CADM2: variants seen among roughly 807,000 people sequenced by gnomAD.
CADM2 encodes the protein immunoglobulin superfamily member 4D.
In CADM2, 12 loss-of-function variants were observed where a neutral mutation model predicts 49.8. The ratio of observed to expected loss-of-function variants is 0.24; its 90% confidence interval spans 0.15 to 0.39. The LOEUF (loss-of-function observed/expected upper bound fraction) is 0.39, where lower values mean the gene tolerates loss of function less well. Among genes scored for constraint, CADM2 ranks in the 10% least tolerant of loss-of-function variants. CADM2 has a pLI of 1.00. For missense variants in CADM2, 378 were observed against 492.3 expected (o/e 0.77, Z 2.20); for synonymous variants, 214 against 175.4 (o/e 1.22, Z -1.74).
At chr3:86,013,764 A>C in intron 8 of CADM2, 1 of 1,590,762 alleles carries the variant, frequency 6.3e-7, no homozygotes, top group Non-Finnish European at 8.6e-7. Context: ...TTTGGCTGTG[A>C]AATTTCACAC....
At chr3:85,449,123 G>T (rs768623420) in intron 1 of CADM2, among the ~76,000 whole-genome samples, 7 of 148,626 alleles carry the variant, frequency 4.7e-5, no homozygotes, top group Admixed American at 6.8e-5. Flanking sequence ...TATTCTCCTG[G>T]AATATTTGTA....
intron 1 of CADM2, among the ~76,000 whole-genome samples, chr3:85,203,774 A>G (rs965009256): frequency 6.6e-6 from 1 of 152,216 alleles, no homozygotes; most frequent in Admixed American, 6.5e-5. Flanking sequence ...GCTAAGTAAA[A>G]TAGGCTCTAT....
chr3:85,640,375 C>T (rs1239773740), intron 1 of CADM2, among the ~76,000 whole-genome samples: 1 of 151,846 alleles, frequency 6.6e-6, no homozygotes, highest in African/African-American at 2.4e-5. Context: ...TAATTAGACT[C>T]AAAATTTAAA....
chr3:85,825,508 A>G (rs2073857429), intron 3 of CADM2, among the ~76,000 whole-genome samples: 1 of 152,034 alleles, frequency 6.6e-6, no homozygotes, highest in Admixed American at 6.6e-5. Flanking sequence ...AAGCCAGAGG[A>G]CAGGGGTGCT....
chr3:85,430,104 ATATGT>A (rs1298139683), intron 1 of CADM2, among the ~76,000 whole-genome samples: 1 of 152,096 alleles, frequency 6.6e-6, no homozygotes, highest in Non-Finnish European at 1.5e-5. Flanking sequence ...TGTGCATGTG[ATATGT>A]TATGAAGGAA....
At chr3:85,412,780 C>A (rs1222860313) in intron 1 of CADM2, among the ~76,000 whole-genome samples, 2 of 151,968 alleles carry the variant, frequency 1.3e-5, no homozygotes, top group Non-Finnish European at 2.9e-5. Context: ...AGAAAACTAG[C>A]AAAATGCATC....
chr3:85,222,525 C>T (rs1286896153), intron 1 of CADM2, among the ~76,000 whole-genome samples: 1 of 152,138 alleles, frequency 6.6e-6, no homozygotes, highest in Non-Finnish European at 1.5e-5. Context: ...CTGATAGTCT[C>T]CTTCTATTGG....
chr3:85,723,096 A>G (rs557463113), intron 1 of CADM2, among the ~76,000 whole-genome samples: 1 of 152,166 alleles, frequency 6.6e-6, no homozygotes, highest in African/African-American at 2.4e-5. Context: ...ATTTTTCCTC[A>G]CATATATATA....
chr3:85,569,026 C>G (rs552899290), intron 1 of CADM2, among the ~76,000 whole-genome samples: 1 of 152,232 alleles, frequency 6.6e-6, no homozygotes, highest in Non-Finnish European at 1.5e-5. Context: ...TCTTGCAAAA[C>G]TGTGCTACAA....
intron 1 of CADM2, among the ~76,000 whole-genome samples, chr3:85,251,360 T>G (rs1259583371): frequency 6.6e-6 from 1 of 151,842 alleles, no homozygotes; most frequent in Non-Finnish European, 1.5e-5. Context: ...AAGTAGGAAA[T>G]TACAGAGACT....
intron 1 of CADM2, among the ~76,000 whole-genome samples, chr3:85,244,256 G>T (rs759308234): frequency 9.2e-5 from 14 of 151,986 alleles, no homozygotes; most frequent in Non-Finnish European, 1.6e-4. Context: ...TCAATAACAC[G>T]CAAGGGCTGT....
intron 1 of CADM2, among the ~76,000 whole-genome samples, chr3:85,543,422 G>T (rs1382853410): frequency 1.2e-5 from 1 of 80,902 alleles, no homozygotes; most frequent in Non-Finnish European, 3.6e-5. Flanking sequence ...CCAAGCTAAT[G>T]TGTGTGTGTG....
At chr3:85,690,586 T>A (rs191917164) in intron 1 of CADM2, among the ~76,000 whole-genome samples, 1 of 152,212 alleles carries the variant, frequency 6.6e-6, no homozygotes, top group Admixed American at 6.5e-5. Context: ...ATATCCTGGC[T>A]GATGAGGAGA....
chr3:85,990,725 A>G (rs1222894215), intron 8 of CADM2, among the ~76,000 whole-genome samples: 1 of 152,220 alleles, frequency 6.6e-6, no homozygotes, highest in African/African-American at 2.4e-5. Context: ...GAGGATAAAA[A>G]TGACTTTGTT....
intron 1 of CADM2, among the ~76,000 whole-genome samples, chr3:85,070,228 C>T (rs925084923): frequency 1.1e-4 from 16 of 151,892 alleles, no homozygotes; most frequent in African/African-American, 2.4e-4. Flanking sequence ...CAAAATGTGG[C>T]GATTATGTGG....
At chr3:85,412,896 C>G (rs1441130776) in intron 1 of CADM2, among the ~76,000 whole-genome samples, 1 of 151,650 alleles carries the variant, frequency 6.6e-6, no homozygotes, top group Non-Finnish European at 1.5e-5. Context: ...TTTGAGAAGT[C>G]ATTGGGAGGC....
At chr3:84,977,154 A>G (rs1201934139) in intron 1 of CADM2, among the ~76,000 whole-genome samples, 2 of 151,990 alleles carry the variant, frequency 1.3e-5, no homozygotes, top group Non-Finnish European at 2.9e-5. Flanking sequence ...ATATTTCTTT[A>G]TTATACTGAA....
intron 1 of CADM2, among the ~76,000 whole-genome samples, chr3:85,060,942 A>G (rs938479636): frequency 6.6e-6 from 1 of 152,150 alleles, no homozygotes; most frequent in African/African-American, 2.4e-5. Flanking sequence ...TCCCATCCAA[A>G]AAATAGTAAT....
Position 85,809,912 on chromosome 3 carries a change from A to G in CADM2, c.238+7716A>G, listed in dbSNP as rs200350642. On this transcript the variant is annotated intron_variant, in intron 3 of 9. Transcript: ENST00000383699. ...CATATTTAAACCCTACCACACCACA[A>G]TATTCTCATATGTATTAGTAAATTT... Among the ~76,000 whole-genome samples the G allele has an allele frequency of 2.6e-4, 40 of 151,872 alleles. No individual in the cohort carries two copies. In the East Asian group the frequency reaches 4.1e-3, roughly 15 times the overall value.
Sources: gnomAD v4.1 joint callset for allele counts (sites outside exome capture counted in the v4.1 genomes callset) on GRCh38, gnomAD v4.1.1 for gene constraint, MANE v1.5 for transcripts, NCBI Gene and HGNC (gene_info 2026-07-23, HGNC 2026-07-21) for gene names.